AJAP1: variants seen among roughly 807,000 people sequenced by gnomAD.
AJAP1 encodes adherens junction-associated protein 1.
AJAP1 carries 5 observed loss-of-function variants against 35.0 expected under a neutral mutation model. That is an observed-to-expected ratio of 0.14 (90% CI 0.07 to 0.30). The LOEUF is 0.30. AJAP1 is among the 10% of genes least tolerant of loss of function. AJAP1 has a pLI of 1.00. For synonymous variants in AJAP1, 284 were observed against 249.3 expected (o/e 1.14, Z -1.31); for missense variants, 586 against 571.0 (o/e 1.03, Z -0.27).
rs1269016449 is a variant in AJAP1, at chr1:4,720,703, C to T, written c.829+8004C>T. Among the ~76,000 whole-genome samples the T allele has an allele frequency of 6.6e-6, 1 of 152,232 alleles. No homozygotes were observed. The highest frequency in any genetic ancestry group is 1.5e-5 in the Non-Finnish European group (1 of 68,042). On this transcript the variant is annotated intron_variant, in intron 2 of 5. Transcript: ENST00000378191. The surrounding 1 kb of genome is among the most constrained non-coding windows in gnomAD (Gnocchi z 4.4). ...GTCTTAAAAGATGCACGAAGCCCAC[C>T]TCACCGGTGGCTCTGCCAGGGTAAT... is the stretch of plus-strand genomic sequence containing the variant.
At position 4,786,758 on chromosome 1, in the gene AJAP1, G is replaced by T. The variant is rs1282213318; in HGVS notation, c.*4273G>T. On this transcript the variant is annotated 3_prime_UTR_variant, in exon 6 of 6. Coordinates refer to ENST00000378191, the MANE Select transcript of AJAP1 (RefSeq NM_018836.4). ...TGAAAGATAAGACCAGGAACCGGGA[G>T]TGAGGCTGGGACTCTCACTCAGCCT... 1 of 152,232 alleles carries T rather than the reference G, an allele frequency of 6.6e-6. No homozygotes were observed. The highest frequency in any genetic ancestry group is 1.5e-5 in the Non-Finnish European group (1 of 68,058). 9.4% of individuals were successfully genotyped at this position (152,232 alleles called of 1,614,324 possible).
chr1:4,753,014 C>T (rs431884), intron 2 of AJAP1, among the ~76,000 whole-genome samples: 71,971 of 151,770 alleles, frequency 0.47, 18,400 homozygotes, highest in African/African-American at 0.63. Context: ...CCTTGTATGA[C>T]CTTCTCTCCA....
Position 4,774,464 on chromosome 1 carries a change from T to C in AJAP1, c.1201T>C (p.Phe401Leu). ...TGATCGGCATCTTATTCCTGTGGCC[T>C]TCGTGTCTGAGAAATGGTTTGAAAT... The part of the protein sequence containing the change: ...SSDRHLIPVA[F>L]VSEKWFEISC The change falls in exon 5 of 6, where the codon TTC (phenylalanine) becomes CTC (leucine). Residue 401 changes from phenylalanine to leucine, a missense_variant. By Grantham distance (22) the Phe-to-Leu change is conservative. Coordinates refer to ENST00000378191, the MANE Select transcript of AJAP1 (RefSeq NM_018836.4). The C allele has an allele frequency of 6.2e-7, 1 of 1,614,232 alleles. No individual in the cohort carries two copies. Among genetic ancestry groups the C allele is most frequent in the Non-Finnish European group, 8.5e-7 (1 of 1,180,036 alleles).
At chr1:4,721,927 T>G (rs1026961004) in intron 2 of AJAP1, among the ~76,000 whole-genome samples, 5 of 152,190 alleles carry the variant, frequency 3.3e-5, no homozygotes, top group Non-Finnish European at 5.9e-5. Context: ...TTTGTACATT[T>G]AAGCGCCCCA....
At position 4,781,106 on chromosome 1, in the gene AJAP1, G is replaced by A. The variant is rs1169866255; in HGVS notation, c.*60-1439G>A. On this transcript the variant is annotated intron_variant, in intron 5 of 5. Transcript: ENST00000378191. ...TGGAGATGATCAGAGACGCAGTGCTGATGATCAGGGACGCAGTGCTGTGCA... is the reference window on the plus strand; with the variant it reads ...TGGAGATGATCAGAGACGCAGTGCTAATGATCAGGGACGCAGTGCTGTGCA... Among the ~76,000 whole-genome samples the A allele has an allele frequency of 2.6e-5, 4 of 152,180 alleles. No individual in the cohort carries two copies. The East Asian group carries it at 5.8e-4, about 22-fold the overall frequency.
chr1:4,712,566 G>A lies in AJAP1; in HGVS notation c.696G>A (p.Gln232=), dbSNP rs746337173. The part of the protein sequence containing the change: ...TTTTATPMTL[Q]TKGFTESLDP... ...CCACGGCCACCCCCATGACGCTGCA[G>A]ACTAAGGGGTTCACCGAGTCCTTGG... The change falls in exon 2 of 6, where the codon CAG becomes CAA. Residue 232 remains glutamine (Q), a synonymous_variant. Transcript: ENST00000378191. 6.2e-7 allele frequency: 1 copy of A among 1,611,780 alleles called. No individual in the cohort carries two copies. The highest frequency in any genetic ancestry group is 1.1e-5 in the South Asian group (1 of 90,430).
intron 5 of AJAP1, among the ~76,000 whole-genome samples, chr1:4,775,903 G>C (rs1641931053): frequency 6.6e-6 from 1 of 152,208 alleles, no homozygotes; most frequent in Non-Finnish European, 1.5e-5. Flanking sequence ...CCCTACTGGA[G>C]TGCCAACCAA....
chr1:4,663,741 A>G (rs1383778820), intron 1 of AJAP1, among the ~76,000 whole-genome samples: 1 of 152,168 alleles, frequency 6.6e-6, no homozygotes, highest in Non-Finnish European at 1.5e-5. Flanking sequence ...AACTCTTGCA[A>G]CCGGTGTGGA....
chr1:4,706,104 A>G (rs1311982372), intron 1 of AJAP1, among the ~76,000 whole-genome samples: 2 of 152,168 alleles, frequency 1.3e-5, no homozygotes, highest in Non-Finnish European at 2.9e-5. Flanking sequence ...GCATCTGGAC[A>G]CGGGTCATTG....
chr1:4,686,130 A>G (rs1050100109), intron 1 of AJAP1, among the ~76,000 whole-genome samples: 10 of 152,228 alleles, frequency 6.6e-5, no homozygotes, highest in Non-Finnish European at 1.0e-4. Flanking sequence ...TGCTGACAAA[A>G]TGACGTGGCC....
intron 2 of AJAP1, among the ~76,000 whole-genome samples, chr1:4,715,121 C>G (rs1640359469): frequency 6.6e-6 from 1 of 152,210 alleles, no homozygotes; most frequent in African/African-American, 2.4e-5. Context: ...CCTGGAACCC[C>G]CTTGCTTGGC....
In AJAP1 at chr1:4,735,893, T is replaced by G. The variant is rs930917238; in HGVS notation, c.829+23194T>G. Among the ~76,000 whole-genome samples, 5 of 152,232 alleles carry G rather than the reference T, an allele frequency of 3.3e-5. No homozygotes were observed. In the South Asian group the frequency reaches 1.0e-3, roughly 32 times the overall value. ...AGCCCTGGGGCCCGCCTCCTGAGGG[T>G]CTCCACGGTGATCTTCAGCCTTTGC... On this transcript the variant is annotated intron_variant, in intron 2 of 5. Coordinates refer to ENST00000378191, the MANE Select transcript of AJAP1 (RefSeq NM_018836.4).
chr1:4,689,099 C>A (rs3843299), intron 1 of AJAP1, among the ~76,000 whole-genome samples: 1 of 152,058 alleles, frequency 6.6e-6, no homozygotes, highest in African/African-American at 2.4e-5. Flanking sequence ...CCGTAGCCTG[C>A]GGCTTCGGTC....
intron 2 of AJAP1, among the ~76,000 whole-genome samples, chr1:4,740,785 C>CAAA (rs34897087): frequency 6.9e-4 from 46 of 66,896 alleles, no homozygotes; most frequent in African/African-American, 8.7e-4. Context: ...GACTCCGTCT[C>CAAA]AAAAAAAAAA....
intron 2 of AJAP1, among the ~76,000 whole-genome samples, chr1:4,715,816 T>A (rs1475894612): frequency 6.6e-6 from 1 of 152,196 alleles, no homozygotes; most frequent in Admixed American, 6.5e-5. Context: ...CCAGCAAGAA[T>A]GGCCTGAGGA....
At position 4,706,373 on chromosome 1, in the gene AJAP1, A is replaced by C. The variant is rs1048255029; in HGVS notation, c.30-5527A>C. The stretch of plus-strand genomic sequence containing the variant: ...CACCTGCCCCAACTTACTGGTATGA[A>C]TGACAGAAAAACTGGGGCTTGCAGA... On this transcript the variant is annotated intron_variant, in intron 1 of 5. Coordinates refer to ENST00000378191, the MANE Select transcript of AJAP1 (RefSeq NM_018836.4). Among the ~76,000 whole-genome samples, 8 of 152,204 alleles carry C rather than the reference A, an allele frequency of 5.3e-5. 1 individual carries two copies. The highest frequency in any genetic ancestry group is 3.3e-4 in the Admixed American group (5 of 15,292).
At chr1:4,663,667 A>T (rs1040227003) in intron 1 of AJAP1, among the ~76,000 whole-genome samples, 4 of 116,996 alleles carry the variant, frequency 3.4e-5, no homozygotes, top group African/African-American at 1.4e-4. Flanking sequence ...CTGGCCCCAG[A>T]CGGTCTTTGT....
At chr1:4,748,990 G>A (rs1380118626) in intron 2 of AJAP1, among the ~76,000 whole-genome samples, 1 of 152,170 alleles carries the variant, frequency 6.6e-6, no homozygotes, top group African/African-American at 2.4e-5. Flanking sequence ...TGTAAGGTGT[G>A]AGAACCGCAG....
intron 1 of AJAP1, among the ~76,000 whole-genome samples, chr1:4,682,725 T>C (rs1639510247): frequency 1.3e-5 from 2 of 152,032 alleles, no homozygotes; most frequent in South Asian, 4.1e-4. Context: ...ATAATGATGA[T>C]AGTGGTGATA....
Sources: allele counts gnomAD v4.1 joint callset (sites outside exome capture counted in the v4.1 genomes callset), GRCh38; gene constraint gnomAD v4.1.1; non-coding constraint Gnocchi (gnomAD v3.1); transcripts MANE v1.5; gene names NCBI Gene and HGNC (gene_info 2026-07-23, HGNC 2026-07-21).